KHDRBS2: variants seen among roughly 807,000 people sequenced by gnomAD.
The protein encoded by KHDRBS2 is KH RNA binding domain containing, signal transduction associated 2.
A neutral mutation model predicts 44.3 loss-of-function variants in KHDRBS2; 26 were observed. That is an observed-to-expected ratio of 0.59 (90% confidence interval 0.43 to 0.81). The LOEUF (loss-of-function observed/expected upper bound fraction) is 0.81. Among genes scored for constraint, KHDRBS2 ranks in the 40% least tolerant of loss-of-function variants. The probability of loss-of-function intolerance (pLI) is 0.00; values close to 1 mark genes in which losing one functional copy is unlikely to be tolerated. For missense variants in KHDRBS2, 476 were observed against 433.1 expected (o/e 1.10, Z -0.88); for synonymous variants, 194 against 151.1 (o/e 1.28, Z -2.08).
chr6:62,114,740 G>C, intron 2 of KHDRBS2, among the ~76,000 whole-genome samples: 1 of 151,882 alleles, frequency 6.6e-6, no homozygotes, highest in East Asian at 1.9e-4. Context: ...TACAGACAAG[G>C]AATCAAAGGC....
At chr6:61,603,063 C>T in the KHDRBS2 span, among the ~76,000 whole-genome samples, 1 of 152,114 alleles carries the variant, frequency 6.6e-6, no homozygotes, top group Non-Finnish European at 1.5e-5. Context: ...CCATTAAAAC[C>T]TAATCACCCT....
At chr6:61,731,696 A>G (rs1051364503) in intron 7 of KHDRBS2, among the ~76,000 whole-genome samples, 7 of 152,144 alleles carry the variant, frequency 4.6e-5, no homozygotes, top group Admixed American at 3.3e-4. Context: ...TTGCAACAGT[A>G]AGTTCCATTG....
At chr6:61,897,610 C>T (rs60972132) in intron 5 of KHDRBS2, among the ~76,000 whole-genome samples, 28,942 of 152,004 alleles carry the variant, frequency 0.19, 2,936 homozygotes, top group Non-Finnish European at 0.23. Context: ...TAATCTGGCC[C>T]TATCCCTGTC....
chr6:61,785,166 AAAC>A (rs1182346562), intron 6 of KHDRBS2, among the ~76,000 whole-genome samples: 5 of 137,024 alleles, frequency 3.6e-5, no homozygotes, highest in South Asian at 4.6e-4. Flanking sequence ...ACAAACAAAC[AAAC>A]AACAACAACA....
In KHDRBS2 at chr6:62,050,187, A is replaced by G. The variant is rs111907029; in HGVS notation, c.220-2193T>C. Among the ~76,000 whole-genome samples the G allele has an allele frequency of 9.2e-5, 14 of 152,180 alleles. 1 individual carries two copies. The highest frequency in any genetic ancestry group is 3.3e-4 in the Admixed American group (5 of 15,262). On this transcript the variant is annotated intron_variant, in intron 2 of 8. Transcript: ENST00000281156. ...AAACCATCATTCTCAGCAAACTGAC[A>G]TAGGAACAGAAAACCAAATACTGCA...
At chr6:62,087,914 C>A (rs1434426328) in intron 2 of KHDRBS2, among the ~76,000 whole-genome samples, 1 of 152,088 alleles carries the variant, frequency 6.6e-6, no homozygotes, top group African/African-American at 2.4e-5. Context: ...TTTCTCTAAT[C>A]TTGTCTTCAT....
intron 3 of KHDRBS2, among the ~76,000 whole-genome samples, chr6:62,026,835 C>A (rs1187552227): frequency 6.6e-6 from 1 of 152,054 alleles, no homozygotes; most frequent in Non-Finnish European, 1.5e-5. Flanking sequence ...GGTGAGGTAG[C>A]CCGATTTTGC....
intron 2 of KHDRBS2, among the ~76,000 whole-genome samples, chr6:62,104,272 TC>T (rs1802605196): frequency 6.6e-6 from 1 of 152,102 alleles, no homozygotes; most frequent in Non-Finnish European, 1.5e-5. Context: ...AACTAGACCA[TC>T]TTTTTATCAT....
At chr6:62,255,536 G>A (rs1218496711) in intron 1 of KHDRBS2, among the ~76,000 whole-genome samples, 3 of 150,414 alleles carry the variant, frequency 2.0e-5, no homozygotes, top group Non-Finnish European at 4.4e-5. Context: ...TTCAAAGGAA[G>A]TAACCATTTC....
At chr6:62,183,864 A>C (rs1378748772) in intron 1 of KHDRBS2, among the ~76,000 whole-genome samples, 1 of 151,646 alleles carries the variant, frequency 6.6e-6, no homozygotes, top group Non-Finnish European at 1.5e-5. Flanking sequence ...TTTCTTTACG[A>C]ATATTTTTGG....
At chr6:61,794,753 A>G (rs1444257662) in intron 6 of KHDRBS2, among the ~76,000 whole-genome samples, 1 of 152,134 alleles carries the variant, frequency 6.6e-6, no homozygotes, top group African/African-American at 2.4e-5. Flanking sequence ...GCACAAATAC[A>G]TGTTGCTGTG....
chr6:61,947,666 A>G (rs2127381197), intron 4 of KHDRBS2, among the ~76,000 whole-genome samples: 1 of 152,142 alleles, frequency 6.6e-6, no homozygotes, highest in East Asian at 1.9e-4. Context: ...GTTTTAAATA[A>G]AGACATACAA....
At chr6:62,255,604 A>G (rs1837246745) in intron 1 of KHDRBS2, among the ~76,000 whole-genome samples, 1 of 80,946 alleles carries the variant, frequency 1.2e-5, no homozygotes, top group Non-Finnish European at 2.3e-5. Context: ...TCATGCTTTA[A>G]AACACACACA....
chr6:61,776,087 T>C (rs1431307950), intron 6 of KHDRBS2, among the ~76,000 whole-genome samples: 5 of 152,166 alleles, frequency 3.3e-5, no homozygotes, highest in Non-Finnish European at 5.9e-5. Flanking sequence ...TGGCTAGCCA[T>C]ATGTAGAAAG....
At chr6:61,954,936 A>ATG (rs1336721337) in intron 4 of KHDRBS2, among the ~76,000 whole-genome samples, 4 of 86,470 alleles carry the variant, frequency 4.6e-5, no homozygotes, top group African/African-American at 1.3e-4. Context: ...ACACATACAT[A>ATG]TGTATGTGTA....
In KHDRBS2 at chr6:61,848,521, A is replaced by G. The variant is rs186548747; in HGVS notation, c.810+46114T>C. ...TATATATATATATATGTATATATGT[A>G]TATATATATACATATATATGTATAT... On this transcript the variant is annotated intron_variant, in intron 6 of 8. Coordinates refer to ENST00000281156, the MANE Select transcript of KHDRBS2 (RefSeq NM_152688.4). Among the ~76,000 whole-genome samples, 92 of 50,046 alleles carry G rather than the reference A, an allele frequency of 1.8e-3. 5 individuals are homozygous for G. Among genetic ancestry groups the G allele is most frequent in the East Asian group, 7.3e-3 (14 of 1,926 alleles). The allele number at this position is 50,046 out of a possible 152,430, so 32.8% of individuals were successfully genotyped here. A position where few individuals can be genotyped will look rare whatever the true frequency, so the allele number is the denominator to read the frequency against.
At chr6:61,587,144 C>A in the KHDRBS2 span, among the ~76,000 whole-genome samples, 1 of 152,172 alleles carries the variant, frequency 6.6e-6, no homozygotes, top group Non-Finnish European at 1.5e-5. Context: ...TGATAGCAAG[C>A]CTCCTAATGA....
chr6:61,613,555 C>T, the KHDRBS2 span, among the ~76,000 whole-genome samples: 1 of 152,104 alleles, frequency 6.6e-6, no homozygotes, highest in East Asian at 1.9e-4. Context: ...TTTCTGCATC[C>T]ACATTTCTTT....
chr6:62,103,725 T>C (rs1802460732), intron 2 of KHDRBS2, among the ~76,000 whole-genome samples: 2 of 152,160 alleles, frequency 1.3e-5, no homozygotes, highest in East Asian at 1.9e-4. Context: ...TCTCTCCCAC[T>C]ACAGCTGGCG....
Sources: allele counts gnomAD v4.1 joint callset (sites outside exome capture counted in the v4.1 genomes callset), GRCh38; gene constraint gnomAD v4.1.1; transcripts MANE v1.5; gene names NCBI Gene and HGNC (gene_info 2026-07-23, HGNC 2026-07-21).